PNPLA8: variants seen among roughly 807,000 people sequenced by gnomAD.
PNPLA8 encodes the protein patatin like domain 8, phospholipase A2, also known as calcium-independent phospholipase A2-gamma.
Under a neutral mutation model 76.9 loss-of-function variants are expected in PNPLA8, and 39 were observed. The ratio of observed to expected loss-of-function variants is 0.51; its 90% CI spans 0.39 to 0.66. The LOEUF (loss-of-function observed/expected upper bound fraction) is 0.66, where lower values mean the gene tolerates loss of function less well. PNPLA8 is among the 30% of genes least tolerant of loss of function. The pLI is 0.00. For missense variants in PNPLA8, 887 were observed against 918.0 expected, an observed-to-expected ratio of 0.97 and a Z score of 0.44; for synonymous variants, 301 against 307.9, an observed-to-expected ratio of 0.98 and a Z score of 0.24.
intron 9 of PNPLA8, 95 bp downstream of exon 9, chr7:108,487,664 T>C (rs1860837609): frequency 1.5e-6 from 1 of 660,650 alleles, no homozygotes; most frequent in Admixed American, 3.2e-5. Flanking sequence ...GAAAGTCTCC[T>C]AGGTTGATCC....
At chr7:108,523,769 C>T (rs1271927163) in intron 1 of PNPLA8, among the ~76,000 whole-genome samples, 2 of 152,172 alleles carry the variant, frequency 1.3e-5, no homozygotes, top group Non-Finnish European at 1.5e-5. Context: ...CCTACTACCC[C>T]AAGCTGACCA....
chr7:108,488,397 T>C (rs563656384), intron 8 of PNPLA8, among the ~76,000 whole-genome samples: 11 of 152,214 alleles, frequency 7.2e-5, no homozygotes, highest in South Asian at 2.1e-4. Flanking sequence ...CTGCCCAAAA[T>C]GGTGAAACCC....
chr7:108,490,774 A>C (rs775681549), intron 8 of PNPLA8, among the ~76,000 whole-genome samples: 2 of 149,292 alleles, frequency 1.3e-5, no homozygotes, highest in Non-Finnish European at 3.0e-5. Flanking sequence ...ACAGAGCAAG[A>C]CTCCGTCTCA....
At position 108,471,770 on chromosome 7, in the gene PNPLA8, T is replaced by A. The variant is rs1412801500; in HGVS notation, c.*631A>T. ...TTGAAATTTCAGGGGTAAAAAGTGG[T>A]TGACTGGAACTTCACCTTTTTTAAC... On this transcript the variant is annotated 3_prime_UTR_variant, in exon 11 of 11. Coordinates refer to ENST00000257694, the MANE Select transcript of PNPLA8 (RefSeq NM_001256007.3). 6.6e-6 allele frequency: 1 copy of A among 152,194 alleles called. No homozygotes were observed. The highest frequency in any genetic ancestry group is 2.4e-5 in the African/African-American group (1 of 41,452). The allele number at this position is 152,194 out of a possible 1,614,324, so 9.4% of individuals were successfully genotyped here.
rs189274724 is a variant in PNPLA8 at position 108,507,311 on chromosome 7, C to A, written c.1207-4669G>T. Among the ~76,000 whole-genome samples the A allele has an allele frequency of 7.6e-3, 1,050 of 137,854 alleles. 13 individuals are homozygous for A. The highest frequency in any genetic ancestry group is 0.027 in the African/African-American group (975 of 35,766). The allele number at this position is 137,854 out of a possible 152,430, so 90.4% of individuals were successfully genotyped here. ...TGAGCTGAGATCACACCACTGCACTCCAGCCTGGTGACAGAGTAAGACTCT... is the reference window on the plus strand; with the variant it reads ...TGAGCTGAGATCACACCACTGCACTACAGCCTGGTGACAGAGTAAGACTCT... On this transcript the variant is annotated intron_variant, in intron 4 of 10. Coordinates refer to ENST00000257694, the MANE Select transcript of PNPLA8 (RefSeq NM_001256007.3).
At chr7:108,504,066 A>C (rs1030191696) in intron 4 of PNPLA8, among the ~76,000 whole-genome samples, 3 of 152,206 alleles carry the variant, frequency 2.0e-5, no homozygotes, top group Non-Finnish European at 4.4e-5. Flanking sequence ...GAATATGCCC[A>C]AAAATCAGGG....
chr7:108,484,511 C>G (rs1380240226), intron 9 of PNPLA8, among the ~76,000 whole-genome samples: 1 of 152,112 alleles, frequency 6.6e-6, no homozygotes, highest in South Asian at 2.1e-4. Context: ...CAGGTGTAAG[C>G]CACTGTATCT....
intron 6 of PNPLA8, 122 bp from the exon 7 acceptor site, chr7:108,496,877 G>T: frequency 1.4e-6 from 1 of 717,860 alleles, no homozygotes; most frequent in Non-Finnish European, 2.2e-6. Flanking sequence ...TGTCACCTGG[G>T]ACAAATGACT....
intron 10 of PNPLA8, among the ~76,000 whole-genome samples, chr7:108,472,980 G>A (rs1859731743): frequency 6.6e-6 from 1 of 151,798 alleles, no homozygotes; most frequent in South Asian, 2.1e-4. Flanking sequence ...TTTTTTTTGG[G>A]ATCAACTTCA....
chr7:108,473,057 A>G (rs1200994998), intron 10 of PNPLA8, among the ~76,000 whole-genome samples: 1 of 152,190 alleles, frequency 6.6e-6, no homozygotes, highest in Non-Finnish European at 1.5e-5. Flanking sequence ...AGTTTTGACA[A>G]ATGTATACAC....
At chr7:108,526,163 C>T, upstream of PNPLA8, 3 of 851,528 alleles carry the variant, frequency 3.5e-6, no homozygotes, top group Non-Finnish European at 4.2e-6. Flanking sequence ...GCCACCCACT[C>T]AGCCCCGCCC....
Position 108,514,925 on chromosome 7 carries a change from A to C in PNPLA8, c.567T>G (p.Leu189=). 1 of 1,609,088 alleles carries C rather than the reference A, an allele frequency of 6.2e-7. No homozygotes were observed. Among genetic ancestry groups the C allele is most frequent in the African/African-American group, 1.3e-5 (1 of 74,560 alleles). The change falls in exon 3 of 11, where the codon CTT becomes CTG. Residue 189 remains leucine (L), a synonymous_variant. Transcript: ENST00000257694. ...TGGTTATAGAACTTGTGTAATGAAA[A>C]AGACTGCGTTTACCTATATCTTCTT... is the stretch of plus-strand genomic sequence containing the variant. ...DKEEDIGKRS[L]FHYTSSITTK...
chr7:108,514,399 AAAGT>A, intron 3 of PNPLA8, 33 bp downstream of exon 3: 1 of 1,565,090 alleles, frequency 6.4e-7, no homozygotes, highest in South Asian at 1.2e-5. Context: ...AATTTGACAA[AAAGT>A]AATAGAACCG....
At chr7:108,490,966 G>T (rs954429169) in intron 8 of PNPLA8, among the ~76,000 whole-genome samples, 2 of 152,134 alleles carry the variant, frequency 1.3e-5, no homozygotes, top group African/African-American at 4.8e-5. Context: ...TTCATAGAAT[G>T]ACTCAATATA....
upstream of PNPLA8, among the ~76,000 whole-genome samples, chr7:108,527,306 C>T (rs1479857223): frequency 6.6e-6 from 1 of 152,150 alleles, no homozygotes; most frequent in Non-Finnish European, 1.5e-5. Flanking sequence ...GGAAAGCCAG[C>T]TTGCTATGTT....
rs1859588206 is a variant in PNPLA8, at chr7:108,470,873, G to A, written c.*1528C>T. 1 of 152,040 alleles carries A rather than the reference G, an allele frequency of 6.6e-6. No individual in the cohort carries two copies. Among genetic ancestry groups the A allele is most frequent in the Non-Finnish European group, 1.5e-5 (1 of 68,006 alleles). The allele number at this position is 152,040 out of a possible 1,614,324, so 9.4% of individuals were successfully genotyped here. On this transcript the variant is annotated 3_prime_UTR_variant, in exon 11 of 11. Transcript: ENST00000257694. ...CCTTCCTCAAGGTAACAAACAGAAGGGTTCTTGCAGCAAAGGCAGGATTAG... is the reference window on the plus strand; with the variant it reads ...CCTTCCTCAAGGTAACAAACAGAAGAGTTCTTGCAGCAAAGGCAGGATTAG...
chr7:108,480,726 A>G (rs1860333027), intron 9 of PNPLA8: 1 of 419,684 alleles, frequency 2.4e-6, no homozygotes, highest in African/African-American at 2.0e-5. Context: ...AGCTCATTTC[A>G]TTGTAAAATA....
intron 9 of PNPLA8, among the ~76,000 whole-genome samples, chr7:108,482,551 T>A (rs1860472415): frequency 6.6e-6 from 1 of 152,194 alleles, no homozygotes; most frequent in Non-Finnish European, 1.5e-5. Context: ...CTGACTATAA[T>A]TTTTGAAAAG....
Position 108,471,637 on chromosome 7 carries a change from A to G in PNPLA8, c.*764T>C, listed in dbSNP as rs1236311360. ...CCTTTTAACAACAGATTATTTAAAT[A>G]GTTTATTTTTGTTAATGATAGGAAT... is the stretch of plus-strand genomic sequence containing the variant. On this transcript the variant is annotated 3_prime_UTR_variant, in exon 11 of 11. Coordinates refer to ENST00000257694, the MANE Select transcript of PNPLA8 (RefSeq NM_001256007.3). 1 of 152,222 alleles carries G rather than the reference A, an allele frequency of 6.6e-6. No individual in the cohort carries two copies. Among genetic ancestry groups the G allele is most frequent in the Non-Finnish European group, 1.5e-5 (1 of 68,034 alleles). 9.4% of individuals were successfully genotyped at this position (152,222 alleles called of 1,614,324 possible).
Sources: gnomAD v4.1 joint callset for allele counts (sites outside exome capture counted in the v4.1 genomes callset) on GRCh38, gnomAD v4.1.1 for gene constraint, MANE v1.5 for transcripts, NCBI Gene and HGNC (gene_info 2026-07-23, HGNC 2026-07-21) for gene names.